FMN2: variants seen among roughly 807,000 people sequenced by gnomAD.
FMN2 encodes the protein formin 2.
A neutral mutation model predicts 142.3 loss-of-function variants in FMN2; 51 were observed. That is an observed-to-expected ratio of 0.36 (90% CI 0.29 to 0.45). The LOEUF is 0.45. Ranked by LOEUF, FMN2 falls within the 20% of genes least tolerant of loss-of-function variation. The pLI is 1.00. For missense variants in FMN2, 1,936 were observed against 2,122.8 expected (o/e 0.91, Z 1.73); for synonymous variants, 882 against 869.8 (o/e 1.01, Z -0.25).
chr1:240,410,570 G>T (rs1004190177), intron 15 of FMN2, among the ~76,000 whole-genome samples: 4 of 152,092 alleles, frequency 2.6e-5, no homozygotes, highest in African/African-American at 9.7e-5. Context: ...AAAGGATTAA[G>T]GAAGTAAATG....
At chr1:240,132,623 T>G (rs1251712719) in intron 2 of FMN2, among the ~76,000 whole-genome samples, 2 of 152,118 alleles carry the variant, frequency 1.3e-5, no homozygotes, top group Non-Finnish European at 2.9e-5. Context: ...GGTAAAGTCC[T>G]TGACATGTGA....
At chr1:240,115,201 G>T (rs1269763865) in intron 1 of FMN2, among the ~76,000 whole-genome samples, 2 of 152,042 alleles carry the variant, frequency 1.3e-5, no homozygotes, top group Non-Finnish European at 1.5e-5. Context: ...TTCTGTAATA[G>T]CATGGCTTTT....
intron 4 of FMN2, among the ~76,000 whole-genome samples, chr1:240,203,556 G>A (rs528608363): frequency 6.6e-6 from 1 of 152,284 alleles, no homozygotes; most frequent in Admixed American, 6.5e-5. Context: ...ACTAACACAG[G>A]AACAGAAAAT....
chr1:240,333,397 C>T (rs1671444957), intron 11 of FMN2, among the ~76,000 whole-genome samples: 1 of 152,034 alleles, frequency 6.6e-6, no homozygotes, highest in Non-Finnish European at 1.5e-5. Context: ...TGGTTAAAAG[C>T]TCCGCTTTAC....
chr1:240,258,699 T>C (rs539319138), intron 7 of FMN2, among the ~76,000 whole-genome samples: 2 of 152,336 alleles, frequency 1.3e-5, no homozygotes, highest in African/African-American at 4.8e-5. Context: ...TGGATTCTAC[T>C]GTACAATTGA....
At chr1:240,417,004 C>T (rs1674598746) in intron 15 of FMN2, among the ~76,000 whole-genome samples, 1 of 151,458 alleles carries the variant, frequency 6.6e-6, no homozygotes, top group African/African-American at 2.4e-5. Context: ...TCAGTTATAA[C>T]TTTGTTATTT....
intron 13 of FMN2, among the ~76,000 whole-genome samples, chr1:240,351,827 G>A (rs1025868971): frequency 7.2e-5 from 11 of 152,064 alleles, no homozygotes; most frequent in African/African-American, 1.7e-4. Context: ...TAGTGTTAGC[G>A]TGTTCATACA....
chr1:240,155,996 T>C (rs1664009942), intron 2 of FMN2, among the ~76,000 whole-genome samples: 1 of 152,028 alleles, frequency 6.6e-6, no homozygotes, highest in African/African-American at 2.4e-5. Context: ...CCTAGCACTT[T>C]AGGAGCCTGA....
chr1:240,242,705 T>A (rs2102871103), intron 6 of FMN2, among the ~76,000 whole-genome samples: 1 of 152,326 alleles, frequency 6.6e-6, no homozygotes, highest in South Asian at 2.1e-4. Flanking sequence ...GTCAGTCTCC[T>A]TCTGAGGCTG....
At chr1:240,343,978 G>GT (rs1671823758) in intron 13 of FMN2, among the ~76,000 whole-genome samples, 1 of 152,102 alleles carries the variant, frequency 6.6e-6, no homozygotes, top group African/African-American at 2.4e-5. Flanking sequence ...TTAGAACACA[G>GT]TGACCATGAG....
chr1:240,396,209 C>G, intron 15 of FMN2, among the ~76,000 whole-genome samples: 1 of 152,026 alleles, frequency 6.6e-6, no homozygotes, highest in East Asian at 1.9e-4. Flanking sequence ...TTTATATGCA[C>G]TAGGAAACCA....
In FMN2 at chr1:240,407,013, G is replaced by C. The variant is rs540540247; in HGVS notation, c.4910+14451G>C. 5.9e-5 allele frequency among the ~76,000 whole-genome samples: 9 copies of C among 152,206 alleles called. No homozygotes were observed. The South Asian group carries it at 1.9e-3, about 32-fold the overall frequency. On this transcript the variant is annotated intron_variant, in intron 15 of 17. Coordinates refer to ENST00000319653, the MANE Select transcript of FMN2 (RefSeq NM_020066.5). ...CGTCTCATTTTTTGTTGTCTACTCC[G>C]GCATGCATCACATGTGGGTAAACTT...
At chr1:240,245,241 CA>C (rs879843903) in intron 6 of FMN2, 4 of 278,242 alleles carry the variant, frequency 1.4e-5, no homozygotes, top group African/African-American at 4.5e-5. Flanking sequence ...AATACATTAT[CA>C]GGGGCCACTA....
chr1:240,101,184 C>G (rs1309713023), intron 1 of FMN2, among the ~76,000 whole-genome samples: 1 of 152,190 alleles, frequency 6.6e-6, no homozygotes, highest in East Asian at 1.9e-4. Flanking sequence ...CCTGGCTTCC[C>G]AGATTGGAAG....
intron 15 of FMN2, among the ~76,000 whole-genome samples, chr1:240,421,158 C>T (rs1674749429): frequency 6.6e-6 from 1 of 152,136 alleles, no homozygotes; most frequent in Non-Finnish European, 1.5e-5. Context: ...AAACCTAGAC[C>T]TCCGTGCAAA....
At chr1:240,418,179 A>T (rs916196531) in intron 15 of FMN2, among the ~76,000 whole-genome samples, 1 of 151,232 alleles carries the variant, frequency 6.6e-6, no homozygotes, top group Admixed American at 6.6e-5. Flanking sequence ...TAGTTGTTTT[A>T]AATTCTTTTA....
chr1:240,445,384 C>T lies in FMN2; in HGVS notation c.5060+7174C>T, dbSNP rs150859033. Among the ~76,000 whole-genome samples the T allele has an allele frequency of 5.3e-5, 8 of 152,188 alleles. No individual in the cohort carries two copies. The East Asian group carries it at 5.8e-4, about 11-fold the overall frequency. On this transcript the variant is annotated intron_variant, in intron 16 of 17. Coordinates refer to ENST00000319653, the MANE Select transcript of FMN2 (RefSeq NM_020066.5). ...CAGGGAGTCATCTTGCAGAATCCAA[C>T]GGGAGGAGGTTCATTTAGAGAGGTT...
intron 8 of FMN2, among the ~76,000 whole-genome samples, chr1:240,328,192 A>G (rs1312117617): frequency 5.3e-5 from 8 of 151,004 alleles, no homozygotes; most frequent in Non-Finnish European, 1.2e-4. Context: ...AATCCAGCAA[A>G]AGGATCAAAA....
chr1:240,424,630 C>T (rs1457388915), intron 15 of FMN2, among the ~76,000 whole-genome samples: 2 of 152,180 alleles, frequency 1.3e-5, no homozygotes, highest in African/African-American at 4.8e-5. Flanking sequence ...ATAACAGAAC[C>T]TTCACTCGTA....
Sources: gnomAD v4.1 joint callset for allele counts (sites outside exome capture counted in the v4.1 genomes callset) on GRCh38, gnomAD v4.1.1 for gene constraint, MANE v1.5 for transcripts, NCBI Gene and HGNC (gene_info 2026-07-23, HGNC 2026-07-21) for gene names.